VWA8: variants seen among roughly 807,000 people sequenced by gnomAD.
VWA8 encodes von Willebrand factor A domain containing 8, also known as von Willebrand factor A domain-containing protein 8.
In VWA8, 221 loss-of-function variants were observed where a neutral mutation model predicts 241.5. The ratio of observed to expected loss-of-function variants is 0.91; its 90% CI spans 0.82 to 1.02. The LOEUF is 1.02. Among genes scored for constraint, VWA8 ranks in the 50% least tolerant of loss-of-function variants. The probability of loss-of-function intolerance (pLI) is 0.00; values close to 1 mark genes in which losing one functional copy is unlikely to be tolerated. For synonymous variants in VWA8, 852 were observed against 827.1 expected (o/e 1.03, Z -0.52); for missense variants, 2,322 against 2,328.7 (o/e 1.00, Z 0.06).
intron 20 of VWA8, among the ~76,000 whole-genome samples, chr13:41,775,444 C>T (rs1868548998): frequency 6.6e-6 from 1 of 152,214 alleles, no homozygotes; most frequent in Admixed American, 6.5e-5. Context: ...CTGCTGACCA[C>T]AGATGGCTTT....
intron 44 of VWA8, among the ~76,000 whole-genome samples, chr13:41,569,989 A>C (rs2044289857): frequency 6.6e-6 from 1 of 152,174 alleles, no homozygotes; most frequent in South Asian, 2.1e-4. Context: ...AGGCATGCAT[A>C]TATGTAGGTG....
At position 41,701,477 on chromosome 13, in the gene VWA8, T is replaced by G. The variant is rs368678305; in HGVS notation, c.3279A>C (p.Arg1093Ser). 3 of 1,612,058 alleles carry G rather than the reference T, an allele frequency of 1.9e-6. No homozygotes were observed. The African/African-American group carries it at 4.0e-5, about 22-fold the overall frequency. The part of the protein sequence containing the change: ...QEYPIERHEE[R>S]SLNFTEECAS... ...CACATTCTTCAGTAAAGTTTAGGGA[T>G]CTTTCTTCATGTCTTTCTATTGGAT... The change falls in exon 28 of 45, where the codon AGA becomes AGC. Residue 1093 changes from arginine to serine, a missense_variant. Physicochemically the swap from Arg to Ser is moderately radical, Grantham distance 110. Transcript: ENST00000379310.
chr13:41,590,753 C>G lies in VWA8; in HGVS notation c.4999G>C (p.Glu1667Gln). The part of the protein sequence containing the change: ...ILDNLQAKGK[E>Q]RQWLRHQATG... The stretch of plus-strand genomic sequence containing the variant: ...GCTTGATGTCTTAGCCATTGTCTTT[C>G]TTTACCTTTAGCCTACAAAAGACAC... The change falls in exon 41 of 45, where the codon GAA becomes CAA. Residue 1667 changes from glutamate (E) to glutamine (Q), a missense_variant. By Grantham distance (29) the Glu-to-Gln change is conservative (BLOSUM62 2). Transcript: ENST00000379310. 1 of 1,613,990 alleles carries G rather than the reference C, an allele frequency of 6.2e-7. No individual in the cohort carries two copies. Among genetic ancestry groups the G allele is most frequent in the South Asian group, 1.1e-5 (1 of 91,074 alleles).
intron 21 of VWA8, among the ~76,000 whole-genome samples, chr13:41,736,802 A>G (rs1357826589): frequency 6.6e-6 from 1 of 151,954 alleles, no homozygotes; most frequent in East Asian, 1.9e-4. Flanking sequence ...ATATGGAACA[A>G]AGACAGCACT....
At chr13:41,589,976 A>C (rs942275999) in intron 41 of VWA8, among the ~76,000 whole-genome samples, 1 of 152,192 alleles carries the variant, frequency 6.6e-6, no homozygotes, top group Admixed American at 6.5e-5. Flanking sequence ...ACATTAATAC[A>C]TTTGTATGCC....
chr13:41,691,845 G>T (rs376725050), intron 31 of VWA8, 29 bp downstream of exon 31: 7 of 1,550,582 alleles, frequency 4.5e-6, no homozygotes, highest in Non-Finnish European at 6.2e-6. Flanking sequence ...AAGAACTCCA[G>T]TTTAAATCCT....
intron 37 of VWA8, among the ~76,000 whole-genome samples, chr13:41,635,010 T>G (rs1302525768): frequency 6.6e-6 from 1 of 151,366 alleles, no homozygotes; most frequent in Non-Finnish European, 1.5e-5. Context: ...GTGAAGTAGT[T>G]TTGGCCAAAA....
intron 17 of VWA8, among the ~76,000 whole-genome samples, chr13:41,798,443 G>A (rs575399382): frequency 1.3e-5 from 2 of 152,256 alleles, no homozygotes; most frequent in East Asian, 3.9e-4. Context: ...TTCTGGCATT[G>A]ATAGTTATTT....
At chr13:41,824,283 A>G (rs1401570179) in intron 14 of VWA8, among the ~76,000 whole-genome samples, 1 of 151,918 alleles carries the variant, frequency 6.6e-6, no homozygotes, top group Non-Finnish European at 1.5e-5. Context: ...GGCCCTAAAC[A>G]CTGTAGGCGA....
intron 4 of VWA8, among the ~76,000 whole-genome samples, chr13:41,892,591 A>G (rs1874897707): frequency 6.6e-6 from 1 of 152,166 alleles, no homozygotes; most frequent in South Asian, 2.1e-4. Flanking sequence ...CATAGTTCCA[A>G]CTACCACCTT....
chr13:41,852,306 CTAAGT>C (rs1426305239), intron 12 of VWA8, among the ~76,000 whole-genome samples: 9 of 152,230 alleles, frequency 5.9e-5, no homozygotes, highest in East Asian at 1.9e-4. Context: ...TTTATTGCTA[CTAAGT>C]TGAGTTCCTT....
chr13:41,872,133 A>G (rs945905689), intron 9 of VWA8, among the ~76,000 whole-genome samples: 1 of 151,864 alleles, frequency 6.6e-6, no homozygotes, highest in Non-Finnish European at 1.5e-5. Flanking sequence ...CATGTCCTTC[A>G]CCCACTTTTT....
intron 3 of VWA8, among the ~76,000 whole-genome samples, chr13:41,909,985 T>A (rs1261165592): frequency 2.0e-5 from 3 of 152,228 alleles, no homozygotes; most frequent in Non-Finnish European, 4.4e-5. Context: ...TAGGCTGTTA[T>A]TCTTAGGGGC....
At chr13:41,577,700 C>A (rs1465021100) in intron 42 of VWA8, among the ~76,000 whole-genome samples, 1 of 152,212 alleles carries the variant, frequency 6.6e-6, no homozygotes, top group East Asian at 1.9e-4. Flanking sequence ...GTGAAGTAAT[C>A]TGCTAAACAG....
intron 37 of VWA8, among the ~76,000 whole-genome samples, chr13:41,655,489 C>CAGAGAG (rs34381157): frequency 3.7e-4 from 55 of 148,208 alleles, no homozygotes; most frequent in Admixed American, 6.0e-4. Flanking sequence ...TACAGAGAGA[C>CAGAGAG]AGAGAGAGAG....
intron 12 of VWA8, among the ~76,000 whole-genome samples, chr13:41,838,143 T>G (rs1476656463): frequency 6.6e-6 from 1 of 152,152 alleles, no homozygotes. Flanking sequence ...AACATAAATT[T>G]GAGCCTTAAA....
In VWA8 at chr13:41,913,461, C is replaced by T. The variant is rs771958355; in HGVS notation, c.242-1293G>A. 7.9e-5 allele frequency among the ~76,000 whole-genome samples: 12 copies of T among 152,260 alleles called. No individual in the cohort carries two copies. In the East Asian group the frequency reaches 2.1e-3, roughly 27 times the overall value. The stretch of plus-strand genomic sequence containing the variant: ...TTTTGTATGTAGCAAATATTCCACA[C>T]GTGCTAAACTTTGTTTAATCACCCC... On this transcript the variant is annotated intron_variant, in intron 2 of 44. Coordinates refer to ENST00000379310, the MANE Select transcript of VWA8 (RefSeq NM_015058.2).
At chr13:41,748,881 T>C (rs998611290) in intron 21 of VWA8, among the ~76,000 whole-genome samples, 2 of 152,142 alleles carry the variant, frequency 1.3e-5, no homozygotes, top group Non-Finnish European at 2.9e-5. Flanking sequence ...AAGACTTAAA[T>C]GTTAGACCTA....
chr13:41,923,956 A>G (rs1328716148), intron 2 of VWA8, among the ~76,000 whole-genome samples: 3 of 152,126 alleles, frequency 2.0e-5, no homozygotes, highest in Non-Finnish European at 4.4e-5. Flanking sequence ...ATGCACAGAA[A>G]TCAGCATCAG....
Sources: gnomAD v4.1 joint callset for allele counts (sites outside exome capture counted in the v4.1 genomes callset) on GRCh38, gnomAD v4.1.1 for gene constraint, MANE v1.5 for transcripts, NCBI Gene and HGNC (gene_info 2026-07-23, HGNC 2026-07-21) for gene names.